Variants in NAV2 observed in about 807,000 individuals in gnomAD.
NAV2 encodes the protein helicase, APC down-regulated 1.
In NAV2, 54 loss-of-function variants were observed where a neutral mutation model predicts 223.2. That is an observed-to-expected ratio of 0.24 (90% CI 0.19 to 0.30). The LOEUF (loss-of-function observed/expected upper bound fraction) is 0.30. Among genes scored for constraint, NAV2 ranks in the 10% least tolerant of loss-of-function variants. NAV2 has a pLI of 1.00. For missense variants in NAV2, 2,806 were observed against 3,147.5 expected (o/e 0.89, Z 2.60); for synonymous variants, 1,279 against 1,239.3 (o/e 1.03, Z -0.67).
intron 1 of NAV2, among the ~76,000 whole-genome samples, chr11:19,799,261 G>A (rs765718831): frequency 1.2e-4 from 18 of 152,202 alleles, no homozygotes; most frequent in Non-Finnish European, 2.4e-4. Flanking sequence ...CTGGGCCACA[G>A]GTGGGGAACT....
chr11:20,029,558 T>TA (rs1479852927), intron 11 of NAV2, among the ~76,000 whole-genome samples: 4 of 152,220 alleles, frequency 2.6e-5, no homozygotes, highest in African/African-American at 9.6e-5. Flanking sequence ...GTCTAAGCTA[T>TA]GTTCTTGTCT....
At chr11:19,857,171 T>C (rs746950360) in intron 3 of NAV2, among the ~76,000 whole-genome samples, 1 of 152,256 alleles carries the variant, frequency 6.6e-6, no homozygotes, top group African/African-American at 2.4e-5. Context: ...TAGAGACATA[T>C]CTACTCCTGA....
In NAV2 at chr11:19,879,853, CT is replaced by C. The variant is rs753205622; in HGVS notation, c.512-13del. On this transcript the variant is annotated splice_polypyrimidine_tract_variant and intron_variant, in intron 4 of 37. Coordinates refer to ENST00000349880, the MANE Select transcript of NAV2 (RefSeq NM_145117.5). ...AGAGCTCCCCATCTGACAAGAGTCT[CT>C]TTATTGTCTTGCAGAGATCAGGAAT... is the stretch of plus-strand genomic sequence containing the variant. 1.9e-6 allele frequency: 3 copies of C among 1,613,976 alleles called. No individual in the cohort carries two copies. The South Asian group carries it at 3.3e-5, about 18-fold the overall frequency.
intron 1 of NAV2, among the ~76,000 whole-genome samples, chr11:19,635,982 G>T (rs568430073): frequency 1.3e-5 from 2 of 152,304 alleles, no homozygotes; most frequent in Admixed American, 6.5e-5. Flanking sequence ...TTGCAGTGAA[G>T]CTAGAATAGC....
intron 1 of NAV2, among the ~76,000 whole-genome samples, chr11:19,533,758 G>C (rs2044100270): frequency 7.9e-6 from 1 of 126,808 alleles, no homozygotes; most frequent in African/African-American, 4.8e-5. Flanking sequence ...CCAGGCTGGA[G>C]TGCAGTGGCG....
chr11:19,562,271 G>A (rs1401762879), intron 1 of NAV2, among the ~76,000 whole-genome samples: 1 of 152,170 alleles, frequency 6.6e-6, no homozygotes, highest in Admixed American at 6.5e-5. Context: ...CTGTGAGGTG[G>A]ATCATGACAG....
chr11:19,853,731 T>C (rs2061266581), intron 3 of NAV2, among the ~76,000 whole-genome samples: 1 of 149,702 alleles, frequency 6.7e-6, no homozygotes, highest in Non-Finnish European at 1.5e-5. Flanking sequence ...TCTACCCTCT[T>C]CCAGCTCACT....
chr11:19,986,367 C>T (rs527286020), intron 11 of NAV2, among the ~76,000 whole-genome samples: 20 of 152,326 alleles, frequency 1.3e-4, no homozygotes, highest in Middle Eastern at 6.8e-3. Flanking sequence ...CGCCTGTAAT[C>T]TCAGCACTTT....
chr11:19,715,996 A>G (rs144198971), intron 1 of NAV2, among the ~76,000 whole-genome samples: 2 of 152,270 alleles, frequency 1.3e-5, no homozygotes, highest in East Asian at 1.9e-4. Flanking sequence ...ATTTTGGCCA[A>G]TGGGATTTTA....
chr11:20,086,859 G>A (rs1480755315), intron 26 of NAV2, among the ~76,000 whole-genome samples: 1 of 152,154 alleles, frequency 6.6e-6, no homozygotes, highest in Non-Finnish European at 1.5e-5. Flanking sequence ...GGGAGTCGGA[G>A]CACTACTTTG....
At chr11:19,508,003 T>C (rs1309433255) in intron 1 of NAV2, among the ~76,000 whole-genome samples, 1 of 152,332 alleles carries the variant, frequency 6.6e-6, no homozygotes, top group African/African-American at 2.4e-5. Context: ...ACGTGAAGCC[T>C]AAGAGACATG....
chr11:19,658,346 CA>C (rs2048183859), intron 1 of NAV2, among the ~76,000 whole-genome samples: 1 of 152,174 alleles, frequency 6.6e-6, no homozygotes, highest in Admixed American at 6.5e-5. Context: ...TCAATCATCA[CA>C]ACAGCCATGT....
At chr11:19,935,851 GTTTTT>G (rs765632685) in intron 7 of NAV2, among the ~76,000 whole-genome samples, 1 of 52,704 alleles carries the variant, frequency 1.9e-5, no homozygotes, top group South Asian at 9.3e-4. Context: ...TTTTGTTTCT[GTTTTT>G]TTTTTTTTTT....
At position 19,933,450 on chromosome 11, in the gene NAV2, G is replaced by A. The variant is rs1230302076; in HGVS notation, c.1206G>A (p.Leu402=). 1.2e-6 allele frequency: 2 copies of A among 1,602,494 alleles called. No homozygotes were observed. The highest frequency in any genetic ancestry group is 1.7e-6 in the Non-Finnish European group (2 of 1,174,540). Residue 402 remains leucine, a synonymous_variant, in exon 7 of 38, where the codon CTG becomes CTA. Coordinates refer to ENST00000349880, the MANE Select transcript of NAV2 (RefSeq NM_145117.5). The surrounding 1 kb of genome is among the most constrained non-coding windows in gnomAD (Gnocchi z 4.3). ...CCCCCAACAATCAGAAGTCCATGCT[G>A]GAAAAGCTGAAACTTTTCAACAGTA... ...KPAPNNQKSM[L]EKLKLFNSKG...
intron 11 of NAV2, among the ~76,000 whole-genome samples, chr11:20,033,381 G>C (rs539134893): frequency 4.6e-5 from 7 of 152,224 alleles, no homozygotes; most frequent in Non-Finnish European, 8.8e-5. Flanking sequence ...CTGTGTAAGA[G>C]TGTATAGAAG....
chr11:19,439,940 G>A (rs1358934605), intron 1 of NAV2, among the ~76,000 whole-genome samples: 1 of 152,184 alleles, frequency 6.6e-6, no homozygotes, highest in South Asian at 2.1e-4. Context: ...ATACAAATTG[G>A]TTTAAAAAAA....
intron 10 of NAV2, among the ~76,000 whole-genome samples, chr11:19,974,422 G>C (rs2049524148): frequency 6.6e-6 from 1 of 152,208 alleles, no homozygotes; most frequent in South Asian, 2.1e-4. Flanking sequence ...GAACCCTAAT[G>C]TGACTTTAGT....
At chr11:19,348,322 G>T (rs1488688545), upstream of NAV2, among the ~76,000 whole-genome samples, 1 of 152,250 alleles carries the variant, frequency 6.6e-6, no homozygotes, top group Middle Eastern at 3.4e-3. Context: ...TTTGGCACCG[G>T]ACTTTTTTTT....
At chr11:19,442,027 C>T (rs148495200) in intron 1 of NAV2, among the ~76,000 whole-genome samples, 3 of 152,376 alleles carry the variant, frequency 2.0e-5, no homozygotes, top group African/African-American at 7.2e-5. Context: ...AATCCTCCTC[C>T]TAATGGCTTG....
Sources: allele counts gnomAD v4.1 joint callset (sites outside exome capture counted in the v4.1 genomes callset), GRCh38; gene constraint gnomAD v4.1.1; non-coding constraint Gnocchi (gnomAD v3.1); transcripts MANE v1.5; gene names NCBI Gene and HGNC (gene_info 2026-07-23, HGNC 2026-07-21).